The following FRK variants were observed in gnomAD, a reference collection of about 807,000 sequenced individuals.
FRK encodes tyrosine-protein kinase FRK.
A neutral mutation model predicts 56.4 loss-of-function variants in FRK; 51 were observed. The observed-to-expected ratio is 0.90, with a 90% CI of 0.72 to 1.14. The LOEUF (loss-of-function observed/expected upper bound fraction) is 1.14, where lower values mean the gene tolerates loss of function less well. Among genes scored for constraint, FRK ranks in the 50% most tolerant of loss-of-function variants. FRK has a pLI of 0.00. For missense variants in FRK, 570 were observed against 601.4 expected (o/e 0.95, Z 0.55); for synonymous variants, 245 against 217.9 (o/e 1.12, Z -1.10).
the FRK span, among the ~76,000 whole-genome samples, chr6:116,073,800 G>T: frequency 1.3e-5 from 2 of 152,160 alleles, no homozygotes; most frequent in African/African-American, 4.8e-5. Flanking sequence ...AGATAGCAAA[G>T]AATTATCCAG....
the FRK span, among the ~76,000 whole-genome samples, chr6:116,099,688 C>A: frequency 6.6e-6 from 1 of 152,188 alleles, no homozygotes; most frequent in South Asian, 2.1e-4. Flanking sequence ...TCCTCCTACT[C>A]AATTGTACTA....
chr6:116,070,696 CTT>C, the FRK span, among the ~76,000 whole-genome samples: 1 of 152,218 alleles, frequency 6.6e-6, no homozygotes, highest in South Asian at 2.1e-4. Flanking sequence ...TGTTGTAAAA[CTT>C]TTAGTCATTA....
At chr6:116,075,453 T>C in the FRK span, among the ~76,000 whole-genome samples, 495 of 132,548 alleles carry the variant, frequency 3.7e-3, 2 homozygotes, top group African/African-American at 0.013. Context: ...AATGTAAGCT[T>C]AAGAGCTGGG....
At chr6:116,042,756 G>GGGC (rs1776771660) in intron 1 of FRK, among the ~76,000 whole-genome samples, 1 of 152,084 alleles carries the variant, frequency 6.6e-6, no homozygotes, top group Non-Finnish European at 1.5e-5. Context: ...AAATGTAAAT[G>GGGC]GGCTAAATGC....
intron 1 of FRK, among the ~76,000 whole-genome samples, chr6:116,020,010 C>T (rs1332128397): frequency 6.6e-6 from 1 of 152,006 alleles, no homozygotes; most frequent in Non-Finnish European, 1.5e-5. Flanking sequence ...ATTTGCAATC[C>T]TAAATGTGCA....
chr6:115,987,292 T>TA (rs1056898517), intron 2 of FRK, among the ~76,000 whole-genome samples: 1 of 152,008 alleles, frequency 6.6e-6, no homozygotes, highest in African/African-American at 2.4e-5. Context: ...ATGGAGAGGC[T>TA]AAGTGACTTG....
At chr6:116,072,164 C>T in the FRK span, among the ~76,000 whole-genome samples, 1 of 152,030 alleles carries the variant, frequency 6.6e-6, no homozygotes, top group Admixed American at 6.6e-5. Context: ...GTATCAGGTA[C>T]TATAAGAGGA....
chr6:116,085,901 A>G, the FRK span, among the ~76,000 whole-genome samples: 3 of 152,258 alleles, frequency 2.0e-5, no homozygotes, highest in African/African-American at 7.2e-5. Context: ...GCTAATTTCC[A>G]GAAGAGAATA....
At chr6:115,965,887 C>G (rs1310066166) in intron 4 of FRK, among the ~76,000 whole-genome samples, 7 of 75,486 alleles carry the variant, frequency 9.3e-5, no homozygotes, top group Non-Finnish European at 1.8e-4. Flanking sequence ...ATATCACACT[C>G]TGGGGACTGT....
intron 1 of FRK, among the ~76,000 whole-genome samples, chr6:116,052,741 AC>A (rs1422968927): frequency 1.3e-5 from 2 of 152,138 alleles, no homozygotes; most frequent in Non-Finnish European, 2.9e-5. Flanking sequence ...CCATCTGAAG[AC>A]CAAGGCTGCA....
intron 2 of FRK, among the ~76,000 whole-genome samples, chr6:115,990,298 A>AT (rs1774548037): frequency 1.3e-5 from 2 of 151,744 alleles, no homozygotes; most frequent in African/African-American, 4.8e-5. Context: ...CCACTTGTCT[A>AT]TTTTTGTTTG....
chr6:115,974,604 TAA>T (rs1332449377), intron 2 of FRK, among the ~76,000 whole-genome samples: 1 of 152,170 alleles, frequency 6.6e-6, no homozygotes, highest in African/African-American at 2.4e-5. Context: ...ATTATTAAAA[TAA>T]AAGAGTAGGC....
intron 1 of FRK, among the ~76,000 whole-genome samples, chr6:116,055,070 A>C (rs1200857102): frequency 1.3e-5 from 2 of 152,220 alleles, no homozygotes; most frequent in African/African-American, 4.8e-5. Flanking sequence ...AAATGACAAA[A>C]TAGCAAAGCC....
chr6:115,990,500 A>G (rs949376700), intron 2 of FRK, among the ~76,000 whole-genome samples: 1 of 151,578 alleles, frequency 6.6e-6, no homozygotes, highest in Non-Finnish European at 1.5e-5. Context: ...CGGCTACACA[A>G]TTTTCCCAGC....
At chr6:115,953,124 C>G (rs1772837121) in intron 5 of FRK, among the ~76,000 whole-genome samples, 1 of 144,434 alleles carries the variant, frequency 6.9e-6, no homozygotes, top group South Asian at 2.2e-4. Flanking sequence ...AATCTTTCAT[C>G]TTAATAATAT....
rs202087692 is a variant in FRK, at chr6:116,060,079, C to A, written c.233G>T (p.Gly78Val). The change falls in exon 1 of 8, where the codon GGC becomes GTC. Residue 78 changes from glycine (G) to valine (V), a missense_variant. Physicochemically the swap from Gly to Val is moderately radical, Grantham distance 109. Transcript: ENST00000606080. ...CTCCAAGTGTCTGGCAAACCACCAG[C>A]CCTCATGCAAAGTGTCCAGAACTTG... Reference protein sequence around the residue: ...KLQVLDTLHEGWWFARHLEKR... With the variant: ...KLQVLDTLHEVWWFARHLEKR... The A allele has an allele frequency of 2.0e-4, 329 of 1,614,194 alleles. No homozygotes were observed. Among genetic ancestry groups the A allele is most frequent in the Non-Finnish European group, 2.7e-4 (316 of 1,180,046 alleles).
At chr6:116,068,343 T>C in the FRK span, among the ~76,000 whole-genome samples, 1 of 151,932 alleles carries the variant, frequency 6.6e-6, no homozygotes, top group East Asian at 1.9e-4. Flanking sequence ...AGTCTTGGAA[T>C]TTAAAGAAAA....
At chr6:116,050,264 C>T (rs1399499141) in intron 1 of FRK, among the ~76,000 whole-genome samples, 1 of 152,146 alleles carries the variant, frequency 6.6e-6, no homozygotes, top group Non-Finnish European at 1.5e-5. Flanking sequence ...ATAATCAAGT[C>T]TCAACACCCA....
chr6:116,091,815 C>T, the FRK span, among the ~76,000 whole-genome samples: 3 of 152,122 alleles, frequency 2.0e-5, no homozygotes, highest in African/African-American at 7.2e-5. Flanking sequence ...CCAGCTTCCA[C>T]TTTTCCTGTA....
Sources: gnomAD v4.1 joint callset for allele counts (sites outside exome capture counted in the v4.1 genomes callset) on GRCh38, gnomAD v4.1.1 for gene constraint, MANE v1.5 for transcripts, NCBI Gene and HGNC (gene_info 2026-07-23, HGNC 2026-07-21) for gene names.